Variants in CNTNAP5 observed in about 807,000 individuals in gnomAD.
The protein encoded by CNTNAP5 is contactin-associated protein-like 5.
Under a neutral mutation model 150.2 loss-of-function variants are expected in CNTNAP5, and 72 were observed. The observed-to-expected ratio is 0.48, with a 90% confidence interval of 0.40 to 0.58. The LOEUF (loss-of-function observed/expected upper bound fraction) is 0.58. Ranked by LOEUF, CNTNAP5 falls within the 20% of genes least tolerant of loss-of-function variation. The probability of loss-of-function intolerance (pLI) is 0.00; values close to 1 mark genes in which losing one functional copy is unlikely to be tolerated. For synonymous variants in CNTNAP5, 672 were observed against 619.8 expected (o/e 1.08, Z -1.25); for missense variants, 1,636 against 1,626.2 (o/e 1.01, Z -0.10).
chr2:124,400,989 A>T (rs1453981268), intron 3 of CNTNAP5, among the ~76,000 whole-genome samples: 2 of 152,028 alleles, frequency 1.3e-5, no homozygotes, highest in East Asian at 3.9e-4. Context: ...CTCCTGCCTC[A>T]GCCTCCTGAG....
At chr2:124,726,751 T>A (rs1452531572) in intron 13 of CNTNAP5, among the ~76,000 whole-genome samples, 4 of 152,044 alleles carry the variant, frequency 2.6e-5, no homozygotes, top group Non-Finnish European at 4.4e-5. Flanking sequence ...AGATGTATAG[T>A]TTGCAAACAT....
At chr2:124,516,062 T>C (rs1694709307) in intron 8 of CNTNAP5, among the ~76,000 whole-genome samples, 3 of 151,964 alleles carry the variant, frequency 2.0e-5, no homozygotes, top group Admixed American at 2.0e-4. Context: ...GGATAAGGAA[T>C]AGAACAAAAA....
intron 13 of CNTNAP5, among the ~76,000 whole-genome samples, chr2:124,675,106 T>C (rs1573540029): frequency 6.6e-6 from 1 of 152,174 alleles, no homozygotes; most frequent in South Asian, 2.1e-4. Flanking sequence ...TTTGTGCATA[T>C]GTCTCATTAC....
chr2:124,187,761 C>G (rs868145253), intron 1 of CNTNAP5, among the ~76,000 whole-genome samples: 5 of 152,290 alleles, frequency 3.3e-5, no homozygotes, highest in Admixed American at 6.5e-5. Flanking sequence ...CTTTTTAGAG[C>G]TGATTCTGCT....
At chr2:124,464,840 T>G (rs1693339712) in intron 6 of CNTNAP5, among the ~76,000 whole-genome samples, 1 of 152,152 alleles carries the variant, frequency 6.6e-6, no homozygotes, top group South Asian at 2.1e-4. Flanking sequence ...GAGCTTTGCA[T>G]GTACCTCAGC....
At chr2:124,549,315 G>A (rs1404446725) in intron 10 of CNTNAP5, among the ~76,000 whole-genome samples, 1 of 152,158 alleles carries the variant, frequency 6.6e-6, no homozygotes, top group African/African-American at 2.4e-5. Context: ...AAGATCCAGA[G>A]GGAGATTAGT....
chr2:124,509,554 A>G (rs1014332679), intron 8 of CNTNAP5, among the ~76,000 whole-genome samples: 1 of 151,762 alleles, frequency 6.6e-6, no homozygotes, highest in African/African-American at 2.4e-5. Flanking sequence ...TCAGGCGGTT[A>G]GTATACCAAC....
chr2:124,288,343 C>T (rs192441709), intron 3 of CNTNAP5, among the ~76,000 whole-genome samples: 41 of 152,290 alleles, frequency 2.7e-4, no homozygotes, highest in African/African-American at 9.6e-4. Flanking sequence ...CAATTATACT[C>T]TCACTGTAAA....
At chr2:124,194,199 C>T (rs1056047870) in intron 1 of CNTNAP5, among the ~76,000 whole-genome samples, 16 of 151,722 alleles carry the variant, frequency 1.1e-4, no homozygotes, top group Admixed American at 7.9e-4. Flanking sequence ...CGCTACTGAA[C>T]ATTTCCAACA....
chr2:124,116,468 A>G (rs1361763911), intron 1 of CNTNAP5, among the ~76,000 whole-genome samples: 2 of 152,174 alleles, frequency 1.3e-5, no homozygotes, highest in African/African-American at 4.8e-5. Flanking sequence ...GGACATCCAT[A>G]GTTTTATTTC....
chr2:124,652,642 G>A (rs543066316), intron 13 of CNTNAP5, among the ~76,000 whole-genome samples: 1 of 152,214 alleles, frequency 6.6e-6, no homozygotes, highest in East Asian at 1.9e-4. Flanking sequence ...ATGGAGAGGG[G>A]TATAGCAAGT....
At chr2:124,278,088 G>A (rs1247790921) in intron 3 of CNTNAP5, among the ~76,000 whole-genome samples, 1 of 152,124 alleles carries the variant, frequency 6.6e-6, no homozygotes, top group East Asian at 1.9e-4. Flanking sequence ...TTTTAAGACA[G>A]AGATGGCAGA....
intron 1 of CNTNAP5, among the ~76,000 whole-genome samples, chr2:124,168,040 A>G (rs1684847088): frequency 6.6e-6 from 1 of 152,186 alleles, no homozygotes; most frequent in South Asian, 2.1e-4. Flanking sequence ...ATAAAAGAGG[A>G]AGAAGGGCAC....
intron 19 of CNTNAP5, among the ~76,000 whole-genome samples, chr2:124,826,179 C>T (rs1276912023): frequency 1.3e-5 from 2 of 151,904 alleles, no homozygotes; most frequent in East Asian, 1.9e-4. Flanking sequence ...AAAAGAAGTA[C>T]CTTAGTTTAA....
chr2:124,513,915 AT>A (rs1694649155), intron 8 of CNTNAP5, among the ~76,000 whole-genome samples: 1 of 152,208 alleles, frequency 6.6e-6, no homozygotes, highest in South Asian at 2.1e-4. Flanking sequence ...CATAGAAGCC[AT>A]TTGTAGCTAG....
intron 3 of CNTNAP5, among the ~76,000 whole-genome samples, chr2:124,333,824 G>C (rs1215054948): frequency 6.6e-6 from 1 of 152,104 alleles, no homozygotes; most frequent in Non-Finnish European, 1.5e-5. Flanking sequence ...AAAGTACTAA[G>C]ATCTTTAAAA....
At chr2:124,809,788 AAG>A (rs1460498739) in intron 19 of CNTNAP5, among the ~76,000 whole-genome samples, 1 of 152,324 alleles carries the variant, frequency 6.6e-6, no homozygotes, top group South Asian at 2.1e-4. Flanking sequence ...TATTTACAGA[AAG>A]AGAGAATAAA....
chr2:124,875,786 T>TG (rs2104732291), intron 21 of CNTNAP5, among the ~76,000 whole-genome samples: 1 of 151,474 alleles, frequency 6.6e-6, no homozygotes, highest in South Asian at 2.1e-4. Context: ...TGCTCAACTG[T>TG]GCTCCAAAAG....
chr2:124,411,160 C>T (rs1691750113), intron 3 of CNTNAP5, among the ~76,000 whole-genome samples: 1 of 152,148 alleles, frequency 6.6e-6, no homozygotes, highest in African/African-American at 2.4e-5. Context: ...GACACATACA[C>T]TCTCCCAAGT....
Sources: allele counts gnomAD v4.1 joint callset (sites outside exome capture counted in the v4.1 genomes callset), GRCh38; gene constraint gnomAD v4.1.1; transcripts MANE v1.5; gene names NCBI Gene and HGNC (gene_info 2026-07-23, HGNC 2026-07-21).